The following ARHGAP15 variants were observed in gnomAD, a reference collection of about 807,000 sequenced individuals.
The protein encoded by ARHGAP15 is Rho GTPase activating protein 15.
Under a neutral mutation model 63.7 loss-of-function variants are expected in ARHGAP15, and 51 were observed. The observed-to-expected ratio is 0.80, with a 90% CI of 0.64 to 1.01. The LOEUF (loss-of-function observed/expected upper bound fraction) is 1.01, where lower values mean the gene tolerates loss of function less well. Among genes scored for constraint, ARHGAP15 ranks in the 50% least tolerant of loss-of-function variants. ARHGAP15 has a pLI of 0.00. For synonymous variants in ARHGAP15, 191 were observed against 193.8 expected, an observed-to-expected ratio of 0.99 and a Z score of 0.12; for missense variants, 560 against 564.6, an observed-to-expected ratio of 0.99 and a Z score of 0.08.
At chr2:143,667,582 T>TAAA (rs71338146) in intron 12 of ARHGAP15, among the ~76,000 whole-genome samples, 1 of 138,944 alleles carries the variant, frequency 7.2e-6, no homozygotes, top group African/African-American at 2.8e-5. Flanking sequence ...TAAAAAAAAT[T>TAAA]AAAAAAAAAA....
chr2:143,219,428 A>G (rs1452623439), intron 4 of ARHGAP15, among the ~76,000 whole-genome samples: 3 of 152,240 alleles, frequency 2.0e-5, no homozygotes, highest in African/African-American at 7.2e-5. Flanking sequence ...TAAGTGAAGC[A>G]TGACTGTATA....
At chr2:143,450,874 A>G (rs1251693628) in intron 8 of ARHGAP15, among the ~76,000 whole-genome samples, 1 of 151,892 alleles carries the variant, frequency 6.6e-6, no homozygotes, top group South Asian at 2.1e-4. Flanking sequence ...TCTTGTAACC[A>G]CTTCTCATCT....
At chr2:143,355,130 T>G (rs1263707995) in intron 6 of ARHGAP15, among the ~76,000 whole-genome samples, 2 of 152,188 alleles carry the variant, frequency 1.3e-5, no homozygotes, top group Admixed American at 1.3e-4. Context: ...GAAAATAAAC[T>G]AGCAATAAAT....
intron 9 of ARHGAP15, among the ~76,000 whole-genome samples, chr2:143,494,061 G>A (rs1692706999): frequency 6.6e-6 from 1 of 152,012 alleles, no homozygotes; most frequent in Admixed American, 6.6e-5. Context: ...TAGTGGACAG[G>A]ATTTTTAAAT....
chr2:143,400,965 G>T (rs10170723), intron 6 of ARHGAP15, among the ~76,000 whole-genome samples: 2,287 of 151,978 alleles, frequency 0.015, 21 homozygotes, highest in South Asian at 0.026. Context: ...AAACCATTCC[G>T]CCTGCTAAAT....
intron 2 of ARHGAP15, among the ~76,000 whole-genome samples, chr2:143,191,903 G>A (rs1384637170): frequency 6.6e-6 from 1 of 152,122 alleles, no homozygotes; most frequent in African/African-American, 2.4e-5. Context: ...CTGCCTTGAA[G>A]AATTTTTTTG....
At chr2:143,286,410 G>T (rs1402535849) in intron 6 of ARHGAP15, among the ~76,000 whole-genome samples, 1 of 152,128 alleles carries the variant, frequency 6.6e-6, no homozygotes. Flanking sequence ...CAAGGTAAAT[G>T]GAACAATTCT....
chr2:143,330,570 C>A (rs1337210963), intron 6 of ARHGAP15, among the ~76,000 whole-genome samples: 1 of 152,102 alleles, frequency 6.6e-6, no homozygotes, highest in African/African-American at 2.4e-5. Flanking sequence ...GGCAAAGAAA[C>A]CTAGTGAATC....
At chr2:143,144,303 T>C (rs1450725766) in intron 1 of ARHGAP15, among the ~76,000 whole-genome samples, 1 of 152,062 alleles carries the variant, frequency 6.6e-6, no homozygotes, top group Non-Finnish European at 1.5e-5. Context: ...ATGGTATTTC[T>C]GTCCTTAGTT....
intron 10 of ARHGAP15, among the ~76,000 whole-genome samples, chr2:143,533,587 T>C (rs1490510568): frequency 1.3e-5 from 2 of 152,084 alleles, no homozygotes; most frequent in Admixed American, 6.6e-5. Flanking sequence ...CCTATTAGAG[T>C]ATGTTCAAGC....
At chr2:143,741,833 T>A (rs926227502) in intron 13 of ARHGAP15, among the ~76,000 whole-genome samples, 1 of 152,168 alleles carries the variant, frequency 6.6e-6, no homozygotes, top group African/African-American at 2.4e-5. Context: ...GAATACATTT[T>A]TTTTCCAACC....
chr2:143,236,267 A>G (rs1291580217), intron 5 of ARHGAP15: 8 of 248,152 alleles, frequency 3.2e-5, no homozygotes, highest in Non-Finnish European at 4.6e-5. Flanking sequence ...TAATAAAACC[A>G]TGACTAAAGT....
At chr2:143,514,174 C>T (rs1693707870) in intron 9 of ARHGAP15, among the ~76,000 whole-genome samples, 2 of 152,132 alleles carry the variant, frequency 1.3e-5, no homozygotes, top group South Asian at 2.1e-4. Flanking sequence ...GATGGTGCAT[C>T]ATTACATTTT....
At chr2:143,436,163 T>C (rs1399362938) in intron 7 of ARHGAP15, among the ~76,000 whole-genome samples, 1 of 152,174 alleles carries the variant, frequency 6.6e-6, no homozygotes, top group Non-Finnish European at 1.5e-5. Flanking sequence ...AAATTACATA[T>C]CTAGAACTTC....
At chr2:143,418,649 A>G (rs1688785135) in intron 6 of ARHGAP15, among the ~76,000 whole-genome samples, 1 of 152,204 alleles carries the variant, frequency 6.6e-6, no homozygotes, top group South Asian at 2.1e-4. Context: ...GAAAAATTAC[A>G]AAGAAGTAAT....
rs749499312 is a variant in ARHGAP15 at position 143,202,145 on chromosome 2, C to G, written c.177C>G (p.His59Gln). The change falls in exon 3 of 14, where the codon CAC (histidine) becomes CAG (glutamine). Residue 59 changes from histidine (H) to glutamine (Q), a missense_variant. Transcript: ENST00000295095. Reference protein sequence around the residue: ...VGKVTEPISRHRRNHSQHILK... With the variant: ...VGKVTEPISRQRRNHSQHILK... Reference sequence around the variant, plus strand: ...CAATATATTTGCAGATATCCAGACACAGAAGGAATCATTCACAGCATATCT... The same window carrying G: ...CAATATATTTGCAGATATCCAGACAGAGAAGGAATCATTCACAGCATATCT... The G allele has an allele frequency of 2.9e-5, 46 of 1,611,504 alleles. No individual in the cohort carries two copies. Among genetic ancestry groups the G allele is most frequent in the Non-Finnish European group, 3.6e-5 (43 of 1,178,192 alleles).
At position 143,153,795 on chromosome 2, in the gene ARHGAP15, T is replaced by A. The variant is rs903260911; in HGVS notation, c.-14-1682T>A. 2.6e-3 allele frequency among the ~76,000 whole-genome samples: 125 copies of A among 47,566 alleles called. 1 individual carries two copies. The highest frequency in any genetic ancestry group is 8.7e-3 in the African/African-American group (114 of 13,110). The allele number at this position is 47,566 out of a possible 152,430, so 31.2% of individuals were successfully genotyped here. ...ATAATAAATCTTCTTCTTCTTCTTC[T>A]TCTTCTTCTTCTTCTTCTTCTTCTT... On this transcript the variant is annotated intron_variant, in intron 1 of 13. Coordinates refer to ENST00000295095, the MANE Select transcript of ARHGAP15 (RefSeq NM_018460.4).
intron 11 of ARHGAP15, among the ~76,000 whole-genome samples, chr2:143,581,753 C>T (rs922452570): frequency 2.0e-5 from 3 of 152,174 alleles, no homozygotes; most frequent in African/African-American, 7.2e-5. Flanking sequence ...GGAAATGGCA[C>T]ATTCTGTCGC....
At chr2:143,387,890 TACAC>T (rs954948468) in intron 6 of ARHGAP15, among the ~76,000 whole-genome samples, 2 of 147,530 alleles carry the variant, frequency 1.4e-5, no homozygotes, top group Non-Finnish European at 3.0e-5. Context: ...TGCGTGCACA[TACAC>T]ATACACGCAT....
Sources: gnomAD v4.1 joint callset for allele counts (sites outside exome capture counted in the v4.1 genomes callset) on GRCh38, gnomAD v4.1.1 for gene constraint, MANE v1.5 for transcripts, NCBI Gene and HGNC (gene_info 2026-07-23, HGNC 2026-07-21) for gene names.